The following ZNF548 variants were observed in gnomAD, a reference collection of about 807,000 sequenced individuals.
The protein encoded by ZNF548 is zinc finger protein 548.
ZNF548 carries 10 observed loss-of-function variants against 10.2 expected under a neutral mutation model. The ratio of observed to expected loss-of-function variants is 0.98; its 90% CI spans 0.60 to 1.66. The LOEUF is 1.66. Ranked by LOEUF, ZNF548 falls within the 40% of genes most tolerant of loss-of-function variation. The pLI is 0.00. For synonymous variants in ZNF548, 217 were observed against 223.5 expected (o/e 0.97, Z 0.26); for missense variants, 599 against 657.0 (o/e 0.91, Z 0.97).
Position 57,395,150 on chromosome 19 carries a change from G to A in ZNF548, c.51+927G>A, listed in dbSNP as rs1460036190. ...TTCGAAGACAGAGAATTGGAATGGG[G>A]CATGAGAACTGGGTCTCTTACTGGG... On this transcript the variant is annotated intron_variant, in intron 2 of 3. Coordinates refer to ENST00000336128, the MANE Select transcript of ZNF548 (RefSeq NM_001172773.2). The surrounding 1 kb of genome is among the most constrained non-coding windows in gnomAD (Gnocchi z 4.8). Among the ~76,000 whole-genome samples, 1 of 151,970 alleles carries A rather than the reference G, an allele frequency of 6.6e-6. No homozygotes were observed. Among genetic ancestry groups the A allele is most frequent in the African/African-American group, 2.4e-5 (1 of 41,274 alleles).
Position 57,400,355 on chromosome 19 carries a change from A to G in ZNF548, c.*466A>G, listed in dbSNP as rs111816780. On this transcript the variant is annotated 3_prime_UTR_variant, in exon 4 of 4. Transcript: ENST00000336128. ...TATGAAGATGAGTGTACAAGTGTCT[A>G]TTCAAGATTCTACTTTCAATTCTTA... 4.6e-3 allele frequency: 730 copies of G among 159,078 alleles called. 3 individuals carry two copies. The highest frequency in any genetic ancestry group is 7.9e-3 in the Non-Finnish European group (565 of 71,822). 9.9% of individuals were successfully genotyped at this position (159,078 alleles called of 1,614,324 possible).
At chr19:57,390,213 G>A in intron 1 of ZNF548, 99 bp downstream of exon 1, 1 of 1,406,068 alleles carries the variant, frequency 7.1e-7, no homozygotes, top group South Asian at 1.3e-5. Flanking sequence ...CCCGAAGAGA[G>A]GGGCGTTCCT....
rs1188029657 is a variant in ZNF548 at position 57,402,080 on chromosome 19, T to C, written c.*2191T>C. On this transcript the variant is annotated 3_prime_UTR_variant, in exon 4 of 4. Coordinates refer to ENST00000336128, the MANE Select transcript of ZNF548 (RefSeq NM_001172773.2). ...TCTTTAATCTACTTGGGGTTCATTT[T>C]TGCATATGGTTTAAGGCAAAAGTCC... 1 of 152,200 alleles carries C rather than the reference T, an allele frequency of 6.6e-6. No individual in the cohort carries two copies. The highest frequency in any genetic ancestry group is 1.5e-5 in the Non-Finnish European group (1 of 68,038). 9.4% of individuals were successfully genotyped at this position (152,200 alleles called of 1,614,324 possible).
chr19:57,401,149 A>G lies in ZNF548; in HGVS notation c.*1260A>G, dbSNP rs188243745. ...CTTTTTACATATTACCTCCCAGTCCATAGGTTGCTTTTTCGCTCTGTTGAT... is the reference window on the plus strand; with the variant it reads ...CTTTTTACATATTACCTCCCAGTCCGTAGGTTGCTTTTTCGCTCTGTTGAT... On this transcript the variant is annotated 3_prime_UTR_variant, in exon 4 of 4. Coordinates refer to ENST00000336128, the MANE Select transcript of ZNF548 (RefSeq NM_001172773.2). The G allele has an allele frequency of 2.0e-5, 3 of 152,230 alleles. No individual in the cohort carries two copies. The highest frequency in any genetic ancestry group is 1.3e-4 in the Admixed American group (2 of 15,296). 9.4% of individuals were successfully genotyped at this position (152,230 alleles called of 1,614,324 possible).
chr19:57,392,104 C>G (rs2088631230), intron 1 of ZNF548, among the ~76,000 whole-genome samples: 1 of 151,152 alleles, frequency 6.6e-6, no homozygotes. Flanking sequence ...CAGCCCTGTG[C>G]TTACTGTTAA....
chr19:57,392,691 A>G, intron 1 of ZNF548: 1 of 733,526 alleles, frequency 1.4e-6, no homozygotes. Flanking sequence ...TGTACACCTT[A>G]TGTGTCTATT....
rs1014591565 is a variant in ZNF548, at chr19:57,400,981, C to T, written c.*1092C>T. On this transcript the variant is annotated 3_prime_UTR_variant, in exon 4 of 4. Transcript: ENST00000336128. ...GTGAATGATTGATGATGTTGAGGAT[C>T]TTTTCATGTGCTTGTTAGGCATTTG... The T allele has an allele frequency of 2.6e-5, 4 of 152,048 alleles. No individual in the cohort carries two copies. Among genetic ancestry groups the T allele is most frequent in the Non-Finnish European group, 5.9e-5 (4 of 68,010 alleles). The allele number at this position is 152,048 out of a possible 1,614,324, so 9.4% of individuals were successfully genotyped here.
rs2088703262 is a variant in ZNF548 at position 57,400,100 on chromosome 19, T to C, written c.*211T>C. On this transcript the variant is annotated 3_prime_UTR_variant, in exon 4 of 4. Coordinates refer to ENST00000336128, the MANE Select transcript of ZNF548 (RefSeq NM_001172773.2). ...AATAGATATCTATGAATTTGATATA[T>C]ATTTGTACCTCATATAAGTGGATTC... is the stretch of plus-strand genomic sequence containing the variant. The C allele has an allele frequency of 5.9e-6, 3 of 506,394 alleles. No homozygotes were observed. In the East Asian group the frequency reaches 9.0e-5, roughly 15 times the overall value. 31.4% of individuals were successfully genotyped at this position (506,394 alleles called of 1,614,324 possible). A position where few individuals can be genotyped will look rare whatever the true frequency, so the allele number is the denominator to read the frequency against.
Position 57,389,938 on chromosome 19 carries a change from C to T in ZNF548, c.-162C>T, listed in dbSNP as rs2123034633. The T allele has an allele frequency of 1.2e-6, 1 of 851,958 alleles. No homozygotes were observed. Among genetic ancestry groups the T allele is most frequent in the Admixed American group, 2.7e-5 (1 of 36,992 alleles). The allele number at this position is 851,958 out of a possible 1,614,324, so 52.8% of individuals were successfully genotyped here. On this transcript the variant is annotated 5_prime_UTR_variant, in exon 1 of 4. Coordinates refer to ENST00000336128, the MANE Select transcript of ZNF548 (RefSeq NM_001172773.2). ...TTCGGCCTATGGCTCTGTCTGACGT[C>T]ACCGAAGTGACGGAACGGAAAAGCG...
chr19:57,396,873 A>G (rs748886758), intron 2 of ZNF548, 175 bp from the exon 3 acceptor site: 8 of 911,902 alleles, frequency 8.8e-6, no homozygotes, highest in Non-Finnish European at 1.1e-5. Flanking sequence ...AGTACGGGAA[A>G]TATTGGCTTG....
At position 57,395,736 on chromosome 19, in the gene ZNF548, G is replaced by T. The variant is rs1024583494; in HGVS notation, c.52-1312G>T. Among the ~76,000 whole-genome samples, 1 of 152,168 alleles carries T rather than the reference G, an allele frequency of 6.6e-6. No individual in the cohort carries two copies. The highest frequency in any genetic ancestry group is 1.5e-5 in the Non-Finnish European group (1 of 68,042). The stretch of plus-strand genomic sequence containing the variant: ...ACAATTTGACATGAGATTTGGGTGG[G>T]GACACAGAGCCAAACCATATCAGGA... On this transcript the variant is annotated intron_variant, in intron 2 of 3. Transcript: ENST00000336128. The surrounding 1 kb of genome is among the most constrained non-coding windows in gnomAD (Gnocchi z 4.8).
chr19:57,399,874 G>A lies in ZNF548; in HGVS notation c.1623G>A (p.Glu541=). ...TAAACATCAGAGATTTCACAATGGAGAAAGTTTACCATTGACTATTGTAAT... is the reference window on the plus strand; with the variant it reads ...TAAACATCAGAGATTTCACAATGGAAAAAGTTTACCATTGACTATTGTAAT... ...TSLNIRDFTM[E]KVYH Residue 541 remains glutamate (E), a synonymous_variant, in exon 4 of 4, where the codon GAG becomes GAA. Transcript: ENST00000336128. The surrounding 1 kb of genome is among the most constrained non-coding windows in gnomAD (Gnocchi z 4.0). 1 of 1,595,842 alleles carries A rather than the reference G, an allele frequency of 6.3e-7. No individual in the cohort carries two copies. The highest frequency in any genetic ancestry group is 8.6e-7 in the Non-Finnish European group (1 of 1,168,038).
In ZNF548 at chr19:57,397,042, T is replaced by G. The variant is rs1568532106; in HGVS notation, c.52-6T>G. The G allele has an allele frequency of 3.1e-6, 5 of 1,601,996 alleles. No individual in the cohort carries two copies. Among genetic ancestry groups the G allele is most frequent in the Non-Finnish European group, 4.3e-6 (5 of 1,176,350 alleles). ...GCTTATGTATTCATCTTTCCCAATT[T>G]GGCAGGGCCGTGTGGTCTTTGAGGA... On this transcript the variant is annotated splice_polypyrimidine_tract_variant and splice_region_variant and intron_variant, in intron 2 of 3. Coordinates refer to ENST00000336128, the MANE Select transcript of ZNF548 (RefSeq NM_001172773.2).
rs368965772 is a variant in ZNF548, at chr19:57,390,086, C to T, written c.-14C>T. 2.5e-6 allele frequency: 4 copies of T among 1,608,678 alleles called. No individual in the cohort carries two copies. The highest frequency in any genetic ancestry group is 3.4e-6 in the Non-Finnish European group (4 of 1,179,162). On this transcript the variant is annotated 5_prime_UTR_variant, in exon 1 of 4. Coordinates refer to ENST00000336128, the MANE Select transcript of ZNF548 (RefSeq NM_001172773.2). Reference sequence around the variant, plus strand: ...CCCCGCTCTTCCCTGGCTGGGCTGGCGGAGGCCTTGCTGATGAACCTGACT... The same window carrying T: ...CCCCGCTCTTCCCTGGCTGGGCTGGTGGAGGCCTTGCTGATGAACCTGACT...
At chr19:57,393,609 A>C (rs1232785813) in intron 1 of ZNF548, among the ~76,000 whole-genome samples, 1 of 148,738 alleles carries the variant, frequency 6.7e-6, no homozygotes, top group African/African-American at 2.5e-5. Context: ...GCAGTGAGCC[A>C]AGACCACGCC....
rs1447894273 is a variant in ZNF548 at position 57,395,529 on chromosome 19, G to A, written c.51+1306G>A. On this transcript the variant is annotated intron_variant, in intron 2 of 3. Transcript: ENST00000336128. This position sits in a 1 kb window ranked among gnomAD's most constrained non-coding sequence, Gnocchi z 4.8. ...CACAATCCTGGCGGAAGGTGAAGGG[G>A]AAGCGAGGCACATCTTCCCATGATG... Among the ~76,000 whole-genome samples the A allele has an allele frequency of 6.6e-6, 1 of 152,180 alleles. No homozygotes were observed. The highest frequency in any genetic ancestry group is 1.5e-5 in the Non-Finnish European group (1 of 68,044).
intron 1 of ZNF548, among the ~76,000 whole-genome samples, chr19:57,393,688 AGGGGAGGGCAGAGGAGGGGAGG>A (rs1225486312): frequency 1.0e-4 from 3 of 28,852 alleles, no homozygotes; most frequent in African/African-American, 1.4e-4. Flanking sequence ...AGGGGAGGGG[AGGGGAGGGCAGAGGAGGGGAGG>A]GGGGAGGGCA....
rs371955325 is a variant in ZNF548 at position 57,398,756 on chromosome 19, G to C, written c.505G>C (p.Glu169Gln). Residue 169 changes from glutamate to glutamine, a missense_variant, in exon 4 of 4, where the codon GAG (glutamate) becomes CAG (glutamine). Glu to Gln is a conservative substitution (Grantham distance 29). Transcript: ENST00000336128. ...GGCAGAGGAGATCTTCACATGCATG[G>C]AGGGCTGGAAGGACTTACCAGCCAC... The part of the protein sequence containing the change: ...HMAEEIFTCM[E>Q]GWKDLPATSC... 12 of 1,613,912 alleles carry C rather than the reference G, an allele frequency of 7.4e-6. No individual in the cohort carries two copies. The African/African-American group carries it at 1.3e-4, about 18-fold the overall frequency.
intron 1 of ZNF548, among the ~76,000 whole-genome samples, chr19:57,393,676 AGAGGGGAGGG>A (rs1251068920): frequency 1.4e-5 from 1 of 73,070 alleles, no homozygotes; most frequent in African/African-American, 5.5e-5. Context: ...AGAGGAGAGG[AGAGGGGAGGG>A]GAGGGGAGGG....
Sources: allele counts gnomAD v4.1 joint callset (sites outside exome capture counted in the v4.1 genomes callset), GRCh38; gene constraint gnomAD v4.1.1; non-coding constraint Gnocchi (gnomAD v3.1); transcripts MANE v1.5; gene names NCBI Gene and HGNC (gene_info 2026-07-23, HGNC 2026-07-21).